FAAH2: variants seen among roughly 807,000 people sequenced by gnomAD.
FAAH2 encodes fatty acid amide hydrolase 2.
In FAAH2, 60 loss-of-function variants were observed where a neutral mutation model predicts 36.9. The observed-to-expected ratio is 1.63, with a 90% confidence interval of 1.32 to 2.02. The LOEUF (loss-of-function observed/expected upper bound fraction) is 2.02. Ranked by LOEUF, FAAH2 falls within the 30% of genes most tolerant of loss-of-function variation. The pLI, the probability that FAAH2 is intolerant of heterozygous loss-of-function variation, is 0.00. For missense variants in FAAH2, 689 were observed against 397.5 expected (o/e 1.73, Z -6.23); for synonymous variants, 214 against 143.8 (o/e 1.49, Z -3.49).
At chrX:57,431,028 C>T (rs906560359) in intron 7 of FAAH2, among the ~76,000 whole-genome samples, 1 of 111,568 alleles carries the variant, frequency 9.0e-6, no homozygotes, top group African/African-American at 3.3e-5. Flanking sequence ...TGTTTCTAAA[C>T]TTTTTTTAGA....
At position 57,469,332 on chromosome X, in the gene FAAH2, G is replaced by T. The variant is rs192845646; in HGVS notation, c.1424-19425G>T. On this transcript the variant is annotated intron_variant, in intron 10 of 10. Coordinates refer to ENST00000374900, the MANE Select transcript of FAAH2 (RefSeq NM_174912.4). Reference sequence around the variant, plus strand: ...TTGGATAGAGAGTCAAGACCCATCAGTGTGCTGTATTCAGGAGACCCATCT... The same window carrying T: ...TTGGATAGAGAGTCAAGACCCATCATTGTGCTGTATTCAGGAGACCCATCT... Among the ~76,000 whole-genome samples, 51 of 111,574 alleles carry T rather than the reference G, an allele frequency of 4.6e-4. 1 individual carries two copies. Among genetic ancestry groups the T allele is most frequent in the African/African-American group, 1.7e-3 (51 of 30,728 alleles).
chrX:57,157,659 A>T, the FAAH2 span, among the ~76,000 whole-genome samples: 19 of 111,454 alleles, frequency 1.7e-4, no homozygotes, highest in Admixed American at 1.8e-3. Context: ...TCTTATATTT[A>T]TGTTAAAACC....
the FAAH2 span, among the ~76,000 whole-genome samples, chrX:57,181,690 A>T: frequency 0.42 from 46,028 of 110,808 alleles, 8,959 homozygotes; most frequent in African/African-American, 0.75. Flanking sequence ...TTCCTATCAA[A>T]CTACCAATGA....
chrX:57,448,412 T>C (rs1220552428), intron 9 of FAAH2, 112 bp from the exon 10 acceptor site: 2 of 726,984 alleles, frequency 2.8e-6, no homozygotes, highest in African/African-American at 4.3e-5. Context: ...CATCACTTAC[T>C]TTCTCAGTGT....
intron 5 of FAAH2, among the ~76,000 whole-genome samples, chrX:57,377,399 G>A (rs1409674788): frequency 8.9e-6 from 1 of 112,286 alleles, no homozygotes. Context: ...TTATTAAATA[G>A]GGAATCCTTT....
the FAAH2 span, chrX:57,137,241 A>T: frequency 1.3e-6 from 1 of 760,535 alleles, no homozygotes; most frequent in South Asian, 6.4e-5. Flanking sequence ...CGCGGGCCTC[A>T]CGTGCCGAAA....
At chrX:57,454,766 T>G (rs1421382274) in intron 10 of FAAH2, among the ~76,000 whole-genome samples, 2 of 111,524 alleles carry the variant, frequency 1.8e-5, no homozygotes, top group Non-Finnish European at 3.8e-5. Flanking sequence ...AAAAAAGAAT[T>G]TTTGAAAATG....
the FAAH2 span, among the ~76,000 whole-genome samples, chrX:57,265,822 C>T: frequency 8.9e-6 from 1 of 111,858 alleles, no homozygotes; most frequent in Admixed American, 9.4e-5. Flanking sequence ...ACCAGCACAG[C>T]ACACTGCCCT....
the FAAH2 span, among the ~76,000 whole-genome samples, chrX:57,149,709 CT>C: frequency 9.0e-6 from 1 of 111,249 alleles, no homozygotes; most frequent in Non-Finnish European, 1.9e-5. Context: ...AAAAAAACAG[CT>C]CCTGGATTCA....
the FAAH2 span, among the ~76,000 whole-genome samples, chrX:57,141,786 T>G: frequency 9.0e-6 from 1 of 111,167 alleles, no homozygotes; most frequent in East Asian, 2.8e-4. Context: ...TTTCTTTTTC[T>G]TTTTTTTAAA....
chrX:57,216,389 C>T, the FAAH2 span, among the ~76,000 whole-genome samples: 1 of 102,982 alleles, frequency 9.7e-6, no homozygotes, highest in Non-Finnish European at 2.0e-5. Flanking sequence ...GTTTTCCATT[C>T]CTGAGTTATT....
intron 3 of FAAH2, among the ~76,000 whole-genome samples, chrX:57,318,768 C>G (rs1263112025): frequency 8.9e-6 from 1 of 111,783 alleles, no homozygotes; most frequent in Non-Finnish European, 1.9e-5. Context: ...TGCAAAAATC[C>G]TCAATAAATA....
At chrX:57,380,381 C>T (rs5960961) in intron 6 of FAAH2, among the ~76,000 whole-genome samples, 10 of 110,083 alleles carry the variant, frequency 9.1e-5, no homozygotes, top group African/African-American at 3.3e-4. Context: ...GGAAGACTGG[C>T]CATTTCAGAT....
At chrX:57,131,831 G>GA in the FAAH2 span, among the ~76,000 whole-genome samples, 10 of 110,268 alleles carry the variant, frequency 9.1e-5, no homozygotes, top group South Asian at 3.9e-4. Flanking sequence ...TCTCTGAGAG[G>GA]AAAAAAAAAC....
At chrX:57,325,109 G>T (rs746701557) in intron 3 of FAAH2, among the ~76,000 whole-genome samples, 1 of 112,096 alleles carries the variant, frequency 8.9e-6, no homozygotes, top group Non-Finnish European at 1.9e-5. Context: ...AATGGTTTTT[G>T]TTGTTGGTTC....
Position 57,292,527 on chromosome X carries a change from T to C in FAAH2, c.222T>C (p.Tyr74=), listed in dbSNP as rs143317454. The change falls in exon 2 of 11, where the codon TAT becomes TAC. Residue 74 remains tyrosine, a synonymous_variant. Coordinates refer to ENST00000374900, the MANE Select transcript of FAAH2 (RefSeq NM_174912.4). ...AATGTATAGATGTTGTTCAGGCTTA[T>C]ATCAACAGAATCAAGGACGTGAACC... ...KVKCIDVVQA[Y]INRIKDVNPM... 8.8e-5 allele frequency: 106 copies of C among 1,208,534 alleles called. No individual in the cohort carries two copies. Among genetic ancestry groups the C allele is most frequent in the Non-Finnish European group, 1.1e-4 (98 of 894,145 alleles).
the FAAH2 span, among the ~76,000 whole-genome samples, chrX:57,164,357 C>A: frequency 8.9e-6 from 1 of 112,202 alleles, no homozygotes; most frequent in East Asian, 2.8e-4. Flanking sequence ...TAGATTAGGA[C>A]TCCAGATTCC....
chrX:57,475,909 G>T (rs2057258229), intron 10 of FAAH2, among the ~76,000 whole-genome samples: 1 of 110,816 alleles, frequency 9.0e-6, no homozygotes, highest in African/African-American at 3.3e-5. Flanking sequence ...GGTCTTTCAC[G>T]TCTAATGGAA....
intron 5 of FAAH2, among the ~76,000 whole-genome samples, chrX:57,353,599 G>C (rs918141063): frequency 9.1e-6 from 1 of 109,391 alleles, no homozygotes; most frequent in Non-Finnish European, 1.9e-5. Flanking sequence ...AAACAAAAAT[G>C]GACAAATGTG....
Sources: gnomAD v4.1 joint callset for allele counts (sites outside exome capture counted in the v4.1 genomes callset) on GRCh38, gnomAD v4.1.1 for gene constraint, MANE v1.5 for transcripts, NCBI Gene and HGNC (gene_info 2026-07-23, HGNC 2026-07-21) for gene names.